The following UBR4 variants were observed in gnomAD, a reference collection of about 807,000 sequenced individuals.
The protein encoded by UBR4 is E3 ubiquitin-protein ligase UBR4.
A neutral mutation model predicts 575.6 loss-of-function variants in UBR4; 124 were observed. The ratio of observed to expected loss-of-function variants is 0.22; its 90% CI spans 0.19 to 0.25. The LOEUF (loss-of-function observed/expected upper bound fraction) is 0.25. Among genes scored for constraint, UBR4 ranks in the 10% least tolerant of loss-of-function variants. The pLI, the probability that UBR4 is intolerant of heterozygous loss-of-function variation, is 1.00. For missense variants in UBR4, 4,818 were observed against 6,478.8 expected, an observed-to-expected ratio of 0.74 and a Z score of 8.80; for synonymous variants, 2,455 against 2,473.7, an observed-to-expected ratio of 0.99 and a Z score of 0.22.
chr1:19,148,569 G>C lies in UBR4; in HGVS notation c.7488C>G (p.Ile2496Met), dbSNP rs770746486. 5 of 1,614,058 alleles carry C rather than the reference G, an allele frequency of 3.1e-6. No individual in the cohort carries two copies. The East Asian group carries it at 6.7e-5, about 22-fold the overall frequency. ...CTTTGAAAAAGTGACTTGCCTTCTC[G>C]ATGATTGGGCCAACGGCAAAGCAGC... ...LESCFAVGPI[I>M]EKERNKNAAQ... The change falls in exon 50 of 106, where the codon ATC becomes ATG. Residue 2496 changes from isoleucine to methionine, a missense_variant. By Grantham distance (10) the Ile-to-Met change is conservative (BLOSUM62 1). This residue lies in a region of UBR4 where 340 missense variants were observed against 375.4 expected (regional missense o/e 0.91). Transcript: ENST00000375254.
rs1400082038 is a variant in UBR4, at chr1:19,174,422, A to G, written c.2879T>C (p.Leu960Pro). The change falls in exon 22 of 106, where the codon CTT becomes CCT. Residue 960 changes from leucine to proline, a missense_variant. Around this residue, in one of 29 missense-constraint regions of UBR4, gnomAD observed 1,172 missense variants for 1,259.7 expected, o/e 0.93. Transcript: ENST00000375254. ...SVACDVLFSK[L>P]VKYDELYAAL... ...AGCATAAAGCTCATCATACTTGACA[A>G]GCTTGGAGAAAAGGACGTCACATGC... 6.2e-7 allele frequency: 1 copy of G among 1,611,242 alleles called. No individual in the cohort carries two copies. Among genetic ancestry groups the G allele is most frequent in the Non-Finnish European group, 8.5e-7 (1 of 1,179,888 alleles).
intron 1 of UBR4, among the ~76,000 whole-genome samples, chr1:19,207,951 C>T (rs2093091502): frequency 6.6e-6 from 1 of 152,206 alleles, no homozygotes; most frequent in South Asian, 2.1e-4. Flanking sequence ...GACCACATGT[C>T]CCAAAATTAT....
chr1:19,135,438 A>G (rs2083092363), intron 60 of UBR4, among the ~76,000 whole-genome samples: 1 of 152,230 alleles, frequency 6.6e-6, no homozygotes, highest in Admixed American at 6.5e-5. Context: ...ACTCCAGCCA[A>G]AATTTATGAC....
At position 19,198,680 on chromosome 1, in the gene UBR4, A is replaced by G; in HGVS notation, c.509T>C (p.Val170Ala). Reference protein sequence around the residue: ...LPQTVKTLSDVEDQKELASPV... With the variant: ...LPQTVKTLSDAEDQKELASPV... ...TGAGGCCAGCTCTTTCTGATCTTCCACTGTAAAATACAAAGGCAAAAAAAA... is the reference window on the plus strand; with the variant it reads ...TGAGGCCAGCTCTTTCTGATCTTCCGCTGTAAAATACAAAGGCAAAAAAAA... The change falls in exon 5 of 106, where the codon GTG becomes GCG. Residue 170 changes from valine to alanine, a missense_variant and splice_region_variant. Val to Ala is a moderately conservative substitution (Grantham distance 64). This residue lies in a region of UBR4 where 85 missense variants were observed against 134.2 expected (regional missense o/e 0.63). Transcript: ENST00000375254. The G allele has an allele frequency of 6.2e-7, 1 of 1,613,774 alleles. No individual in the cohort carries two copies. Among genetic ancestry groups the G allele is most frequent in the Non-Finnish European group, 8.5e-7 (1 of 1,179,816 alleles).
intron 62 of UBR4, among the ~76,000 whole-genome samples, 155 bp from the exon 63 acceptor site, chr1:19,127,894 T>G (rs181999069): frequency 1.3e-5 from 2 of 152,164 alleles, no homozygotes; most frequent in African/African-American, 4.8e-5. Context: ...TGGACTATAC[T>G]TGGGGTACCT....
chr1:19,109,759 T>C (rs532362785), intron 81 of UBR4, among the ~76,000 whole-genome samples: 1 of 152,372 alleles, frequency 6.6e-6, no homozygotes, highest in East Asian at 1.9e-4. Context: ...GGGATTTCTA[T>C]CACCGCACAG....
Position 19,153,701 on chromosome 1 carries a change from G to A in UBR4, c.6630+67C>T, listed in dbSNP as rs2086052136. On this transcript the variant is annotated intron_variant, in intron 45 of 105. Coordinates refer to ENST00000375254, the MANE Select transcript of UBR4 (RefSeq NM_020765.3). The surrounding 1 kb of genome is among the most constrained non-coding windows in gnomAD (Gnocchi z 4.1). ...ATTGAAAGAGCTGGGAAAGTGAAAT[G>A]AATATACAAACATAAAAAGAGACCA... The A allele has an allele frequency of 1.3e-6, 2 of 1,550,696 alleles. No individual in the cohort carries two copies.
chr1:19,135,756 T>G (rs2083133248), intron 60 of UBR4, among the ~76,000 whole-genome samples: 1 of 151,702 alleles, frequency 6.6e-6, no homozygotes, highest in Non-Finnish European at 1.5e-5. Context: ...TCCCAGAAAA[T>G]AAGTGAAATA....
intron 55 of UBR4, among the ~76,000 whole-genome samples, chr1:19,143,187 AAG>A (rs1179873094): frequency 6.7e-6 from 1 of 149,996 alleles, no homozygotes; most frequent in African/African-American, 2.5e-5. Context: ...AGAAAAAAGA[AAG>A]AAAGGAAGGA....
intron 1 of UBR4, among the ~76,000 whole-genome samples, chr1:19,202,998 T>G (rs2092819449): frequency 6.6e-6 from 1 of 151,818 alleles, no homozygotes; most frequent in African/African-American, 2.4e-5. Flanking sequence ...AGAGAATTGC[T>G]TGAACCCAGA....
At chr1:19,147,068 GA>G in intron 51 of UBR4, 68 bp from the exon 52 acceptor site, 2 of 1,484,386 alleles carry the variant, frequency 1.3e-6, no homozygotes, top group Middle Eastern at 2.1e-4. Flanking sequence ...AAAGAGGAGA[GA>G]AAAGCTGGCA....
At chr1:19,187,059 T>C (rs1273998709) in intron 13 of UBR4, 105 bp downstream of exon 13, 6 of 876,476 alleles carry the variant, frequency 6.8e-6, no homozygotes, top group Non-Finnish European at 8.5e-6. Context: ...GTCAGTCTTA[T>C]TCATTTCAAG....
intron 104 of UBR4, among the ~76,000 whole-genome samples, chr1:19,077,174 C>G (rs1011229624): frequency 3.9e-5 from 6 of 152,224 alleles, no homozygotes; most frequent in African/African-American, 1.4e-4. Context: ...ACTTCCCATT[C>G]GCATTCCCCA....
At position 19,093,294 on chromosome 1, in the gene UBR4, C is replaced by T. The variant is rs376705452; in HGVS notation, c.14111+19G>A. 1.3e-5 allele frequency: 21 copies of T among 1,609,586 alleles called. No individual in the cohort carries two copies. The African/African-American group carries it at 2.7e-4, about 20-fold the overall frequency. ...GCAAAGCGAAGGCAAAGCAGCCCCG[C>T]TGCGGGAGGGCTTCATACTTCTTGG... On this transcript the variant is annotated intron_variant, in intron 96 of 105. Transcript: ENST00000375254. The surrounding 1 kb of genome is among the most constrained non-coding windows in gnomAD (Gnocchi z 4.8).
chr1:19,205,824 C>G (rs1334220455), intron 1 of UBR4, among the ~76,000 whole-genome samples: 1 of 152,100 alleles, frequency 6.6e-6, no homozygotes, highest in East Asian at 1.9e-4. Context: ...GCCCTAAATT[C>G]TAGTGAATAT....
rs111762692 is a variant in UBR4 at position 19,094,201 on chromosome 1, A to C, written c.13747-62T>G. 1.8e-3 allele frequency: 2,498 copies of C among 1,388,384 alleles called. 37 individuals are homozygous for C. The African/African-American group carries it at 0.031, about 17-fold the overall frequency. The allele number at this position is 1,388,384 out of a possible 1,614,324, so 86.0% of individuals were successfully genotyped here. ...AGTCAGGACTGTGGCTGCAGCCAAC[A>C]TCTGAGCCCCAAAAGTCACCACTTC... On this transcript the variant is annotated intron_variant, in intron 94 of 105. Transcript: ENST00000375254.
At chr1:19,095,305 C>T (rs550545998) in intron 93 of UBR4, among the ~76,000 whole-genome samples, 1 of 152,280 alleles carries the variant, frequency 6.6e-6, no homozygotes, top group East Asian at 1.9e-4. Context: ...TATCTCTGAT[C>T]TGAACTCAGG....
Position 19,187,401 on chromosome 1 carries a change from G to T in UBR4, c.1494+40C>A, listed in dbSNP as rs140909502. 8.4e-3 allele frequency: 13,582 copies of T among 1,611,666 alleles called. 66 individuals are homozygous for T. The highest frequency in any genetic ancestry group is 0.01 in the Non-Finnish European group (12,158 of 1,178,176). Reference sequence around the variant, plus strand: ...GCTTGCTTGGCCAGAAGTGGATCCCGCAATCAATATGCTGATTACCATGGG... The same window carrying T: ...GCTTGCTTGGCCAGAAGTGGATCCCTCAATCAATATGCTGATTACCATGGG... On this transcript the variant is annotated intron_variant, in intron 12 of 105. Transcript: ENST00000375254.
intron 97 of UBR4, among the ~76,000 whole-genome samples, chr1:19,090,107 G>A (rs2077366188): frequency 6.6e-6 from 1 of 152,122 alleles, no homozygotes; most frequent in Non-Finnish European, 1.5e-5. Flanking sequence ...CCATCTCAGT[G>A]GCACCACCAT....
Sources: allele counts gnomAD v4.1 joint callset (sites outside exome capture counted in the v4.1 genomes callset), GRCh38; gene constraint gnomAD v4.1.1; regional missense constraint gnomAD v4.1.1; non-coding constraint Gnocchi (gnomAD v3.1); transcripts MANE v1.5; gene names NCBI Gene and HGNC (gene_info 2026-07-23, HGNC 2026-07-21).